Variants in HS6ST3 observed in about 807,000 individuals in gnomAD.
HS6ST3 encodes heparan-sulfate 6-O-sulfotransferase 3.
Under a neutral mutation model 36.7 loss-of-function variants are expected in HS6ST3, and 12 were observed. The ratio of observed to expected loss-of-function variants is 0.33; its 90% CI spans 0.21 to 0.53. The LOEUF is 0.53. HS6ST3 is among the 20% of genes least tolerant of loss of function. The probability of loss-of-function intolerance (pLI) is 0.95; values close to 1 mark genes in which losing one functional copy is unlikely to be tolerated. For synonymous variants in HS6ST3, 240 were observed against 257.5 expected (o/e 0.93, Z 0.65); for missense variants, 584 against 640.9 (o/e 0.91, Z 0.96).
chr13:96,592,393 G>T (rs2056385830), intron 1 of HS6ST3, among the ~76,000 whole-genome samples: 1 of 152,016 alleles, frequency 6.6e-6, no homozygotes, highest in South Asian at 2.1e-4. Flanking sequence ...AGTTGTTGTA[G>T]TTATTTTTGA....
At chr13:96,508,678 TC>T (rs2056036525) in intron 1 of HS6ST3, among the ~76,000 whole-genome samples, 2 of 152,126 alleles carry the variant, frequency 1.3e-5, no homozygotes, top group African/African-American at 4.8e-5. Context: ...GGCCTTCAGC[TC>T]CATCTAAGTT....
At chr13:96,784,996 T>C (rs1877612406) in intron 1 of HS6ST3, among the ~76,000 whole-genome samples, 1 of 152,054 alleles carries the variant, frequency 6.6e-6, no homozygotes, top group Non-Finnish European at 1.5e-5. Flanking sequence ...GGTGAAAACC[T>C]GTCTCTACGA....
intron 1 of HS6ST3, among the ~76,000 whole-genome samples, chr13:96,457,706 A>T (rs1340490120): frequency 3.3e-5 from 5 of 152,116 alleles, no homozygotes; most frequent in African/African-American, 1.2e-4. Context: ...AATTTGATCA[A>T]TAGGAACATA....
chr13:96,465,653 A>G lies in HS6ST3; in HGVS notation c.708-366837A>G, dbSNP rs1227302312. Among the ~76,000 whole-genome samples the G allele has an allele frequency of 2.0e-5, 3 of 152,280 alleles. No individual in the cohort carries two copies. The East Asian group carries it at 5.8e-4, about 29-fold the overall frequency. On this transcript the variant is annotated intron_variant, in intron 1 of 1. Coordinates refer to ENST00000376705, the MANE Select transcript of HS6ST3 (RefSeq NM_153456.4). ...ATATGGCGTGATCGTGGATGGAGCA[A>G]AAAAGAGAGTCTGAGGTAAAGTACA...
intron 1 of HS6ST3, among the ~76,000 whole-genome samples, chr13:96,094,307 G>A (rs2053779488): frequency 6.6e-6 from 1 of 152,120 alleles, no homozygotes; most frequent in African/African-American, 2.4e-5. Context: ...TGCTTACTAT[G>A]TAGATATATA....
chr13:96,372,993 C>T (rs773033217), intron 1 of HS6ST3, among the ~76,000 whole-genome samples: 1 of 152,182 alleles, frequency 6.6e-6, no homozygotes, highest in Non-Finnish European at 1.5e-5. Flanking sequence ...CATGCTCCTT[C>T]TGAAGGCTCC....
intron 1 of HS6ST3, among the ~76,000 whole-genome samples, chr13:96,160,146 G>A (rs2139328225): frequency 6.6e-6 from 1 of 152,288 alleles, no homozygotes; most frequent in South Asian, 2.1e-4. Flanking sequence ...GCTATGTGAG[G>A]TTTTCGTAGA....
intron 1 of HS6ST3, among the ~76,000 whole-genome samples, chr13:96,793,048 A>G (rs1021483947): frequency 2.6e-5 from 4 of 151,986 alleles, no homozygotes; most frequent in Admixed American, 1.3e-4. Flanking sequence ...AGTATGGGGG[A>G]AAATGAAACA....
chr13:96,385,836 G>T lies in HS6ST3; in HGVS notation c.707+294267G>T, dbSNP rs1037282941. ...CTTATTTCATTAAGGTGTGCATTAAGTATACATTACTATATCCATTTTATA... is the reference window on the plus strand; with the variant it reads ...CTTATTTCATTAAGGTGTGCATTAATTATACATTACTATATCCATTTTATA... On this transcript the variant is annotated intron_variant, in intron 1 of 1. Transcript: ENST00000376705. Among the ~76,000 whole-genome samples, 3 of 152,146 alleles carry T rather than the reference G, an allele frequency of 2.0e-5. No individual in the cohort carries two copies. In the East Asian group the frequency reaches 5.8e-4, roughly 29 times the overall value.
chr13:96,547,033 T>C (rs2056200457), intron 1 of HS6ST3, among the ~76,000 whole-genome samples: 1 of 152,204 alleles, frequency 6.6e-6, no homozygotes, highest in Admixed American at 6.5e-5. Flanking sequence ...CAAAATGGTA[T>C]AGCAGTTTGA....
intron 1 of HS6ST3, chr13:96,573,940 G>T: frequency 1.9e-6 from 1 of 533,316 alleles, no homozygotes. Flanking sequence ...TGACTGCACA[G>T]ATGTGCTGCT....
intron 1 of HS6ST3, among the ~76,000 whole-genome samples, chr13:96,267,382 A>G (rs1047744366): frequency 1.3e-5 from 2 of 152,144 alleles, no homozygotes; most frequent in African/African-American, 4.8e-5. Context: ...TAACCATTCT[A>G]AATCTTTTAG....
At chr13:96,785,398 TC>T (rs149480244) in intron 1 of HS6ST3, among the ~76,000 whole-genome samples, 4,618 of 152,066 alleles carry the variant, frequency 0.03, 77 homozygotes, top group African/African-American at 0.035. Flanking sequence ...CTCAGATCAG[TC>T]AAAATCACAC....
chr13:96,321,927 A>G (rs1392884960), intron 1 of HS6ST3, among the ~76,000 whole-genome samples: 1 of 151,976 alleles, frequency 6.6e-6, no homozygotes, highest in Non-Finnish European at 1.5e-5. Context: ...ACTATCTCAT[A>G]CATTCCCCAC....
intron 1 of HS6ST3, among the ~76,000 whole-genome samples, chr13:96,350,814 T>A (rs1280402330): frequency 6.6e-6 from 1 of 152,228 alleles, no homozygotes; most frequent in African/African-American, 2.4e-5. Flanking sequence ...TCCAACATTA[T>A]TAAAAATCAA....
chr13:96,786,146 C>T (rs555601554), intron 1 of HS6ST3, among the ~76,000 whole-genome samples: 11 of 152,108 alleles, frequency 7.2e-5, no homozygotes, highest in Non-Finnish European at 1.3e-4. Flanking sequence ...CCCTTTCTTA[C>T]TCCGTTCCCT....
intron 1 of HS6ST3, among the ~76,000 whole-genome samples, chr13:96,801,477 C>T (rs1054203986): frequency 5.9e-5 from 9 of 151,860 alleles, no homozygotes; most frequent in Non-Finnish European, 1.0e-4. Flanking sequence ...GATTTGTTTT[C>T]CTGTTGAAAA....
intron 1 of HS6ST3, among the ~76,000 whole-genome samples, chr13:96,668,071 A>C (rs1052961975): frequency 1.3e-5 from 2 of 152,172 alleles, no homozygotes; most frequent in African/African-American, 4.8e-5. Context: ...AATCATTTTA[A>C]TCTTCACAAC....
intron 1 of HS6ST3, among the ~76,000 whole-genome samples, chr13:96,152,503 A>G (rs1455506235): frequency 6.6e-6 from 1 of 151,718 alleles, no homozygotes; most frequent in Non-Finnish European, 1.5e-5. Context: ...ACGCCCGGCT[A>G]ATTTTTTGTA....
Sources: gnomAD v4.1 joint callset for allele counts (sites outside exome capture counted in the v4.1 genomes callset) on GRCh38, gnomAD v4.1.1 for gene constraint, MANE v1.5 for transcripts, NCBI Gene and HGNC (gene_info 2026-07-23, HGNC 2026-07-21) for gene names.